Variants in COL4A2 observed in about 807,000 individuals in gnomAD.
COL4A2 encodes the protein collagen type IV alpha 2 chain, also known as collagen alpha-2(IV) chain.
COL4A2 carries 99 observed loss-of-function variants against 200.2 expected under a neutral mutation model. That is an observed-to-expected ratio of 0.49 (90% confidence interval 0.42 to 0.58). COL4A2 has a LOEUF of 0.58. Among genes scored for constraint, COL4A2 ranks in the 20% least tolerant of loss-of-function variants. The pLI, the probability that COL4A2 is intolerant of heterozygous loss-of-function variation, is 0.00. For synonymous variants in COL4A2, 897 were observed against 900.6 expected (o/e 1.00, Z 0.07); for missense variants, 1,950 against 2,314.1 (o/e 0.84, Z 3.23).
rs1883058828 is a variant in COL4A2 at position 110,484,887 on chromosome 13, C to T, written c.2903-18C>T. On this transcript the variant is annotated intron_variant, in intron 32 of 47. Coordinates refer to ENST00000360467, the MANE Select transcript of COL4A2 (RefSeq NM_001846.4). ...GTCTGGAGCCCCCAGAAAATGACAG[C>T]ACTCTATTCCCTTCCAGGCAGCCGA... The T allele has an allele frequency of 6.3e-7, 1 of 1,587,368 alleles. No individual in the cohort carries two copies. Among genetic ancestry groups the T allele is most frequent in the Admixed American group, 1.8e-5 (1 of 56,492 alleles).
At chr13:110,473,247 G>C (rs1279092753) in intron 29 of COL4A2, 97 bp downstream of exon 29, 9 of 1,197,810 alleles carry the variant, frequency 7.5e-6, no homozygotes, top group Non-Finnish European at 1.0e-5. Flanking sequence ...GTAGGAAGCA[G>C]CGGTGCCCTA....
chr13:110,434,288 C>A, intron 11 of COL4A2, 113 bp from the exon 12 acceptor site: 1 of 863,932 alleles, frequency 1.2e-6, no homozygotes. Context: ...AATATAGTTG[C>A]TCAGTAAAGT....
At chr13:110,418,005 G>T (rs182788357) in intron 4 of COL4A2, among the ~76,000 whole-genome samples, 1 of 152,174 alleles carries the variant, frequency 6.6e-6, no homozygotes, top group East Asian at 1.9e-4. Flanking sequence ...GTTCCTGCCG[G>T]CAGCCCATGG....
intron 12 of COL4A2, among the ~76,000 whole-genome samples, chr13:110,435,122 C>T (rs187581118): frequency 6.6e-6 from 1 of 152,282 alleles, no homozygotes; most frequent in Admixed American, 6.5e-5. Flanking sequence ...TGGAACAGCA[C>T]AGTAAGTTGA....
intron 47 of COL4A2, among the ~76,000 whole-genome samples, chr13:110,509,270 T>TATATATATACACACACACACACACACAC (rs1435137108): frequency 8.7e-6 from 1 of 115,600 alleles, no homozygotes; most frequent in African/African-American, 3.5e-5. Context: ...TATATATATA[T>TATATATATACACACACACACACACACAC]ACACACACAC....
At chr13:110,478,508 G>C (rs1187568916) in intron 30 of COL4A2, among the ~76,000 whole-genome samples, 1 of 152,246 alleles carries the variant, frequency 6.6e-6, no homozygotes. Context: ...TGGAAAGGCA[G>C]GTGGCTCCGT....
intron 22 of COL4A2, 147 bp from the exon 23 acceptor site, chr13:110,461,967 A>G: frequency 8.5e-7 from 1 of 1,173,286 alleles, no homozygotes; most frequent in Non-Finnish European, 1.2e-6. Flanking sequence ...CGTATCCAGC[A>G]TCGCAGAAAG....
intron 3 of COL4A2, among the ~76,000 whole-genome samples, chr13:110,332,243 A>G (rs1875951119): frequency 6.6e-6 from 1 of 152,212 alleles, no homozygotes; most frequent in Admixed American, 6.5e-5. Context: ...TTCACCAAAA[A>G]GCTTTGAAAT....
intron 4 of COL4A2, among the ~76,000 whole-genome samples, chr13:110,385,179 G>A (rs576334382): frequency 2.2e-3 from 336 of 151,990 alleles, no homozygotes; most frequent in African/African-American, 7.6e-3. Flanking sequence ...GAAGAATGGC[G>A]TGAATCCGGG....
chr13:110,394,212 T>C (rs747139484), intron 4 of COL4A2, among the ~76,000 whole-genome samples: 1 of 152,236 alleles, frequency 6.6e-6, no homozygotes, highest in African/African-American at 2.4e-5. Context: ...AACATTGATG[T>C]AGTGCTTACT....
intron 20 of COL4A2, among the ~76,000 whole-genome samples, chr13:110,456,007 C>T (rs1881718515): frequency 6.6e-6 from 1 of 152,230 alleles, no homozygotes; most frequent in African/African-American, 2.4e-5. Flanking sequence ...CCTGCAGAGC[C>T]TGCCCCCAGC....
chr13:110,329,428 G>A (rs1188210951), intron 3 of COL4A2, among the ~76,000 whole-genome samples: 3 of 151,422 alleles, frequency 2.0e-5, no homozygotes, highest in Middle Eastern at 3.4e-3. Context: ...GCAGGGGAAG[G>A]CGTCTAGTGG....
At chr13:110,383,055 A>C (rs1878549483) in intron 4 of COL4A2, among the ~76,000 whole-genome samples, 1 of 152,230 alleles carries the variant, frequency 6.6e-6, no homozygotes, top group Non-Finnish European at 1.5e-5. Flanking sequence ...CTGACAGAGA[A>C]TCAACTCAAC....
At chr13:110,347,117 T>A (rs560829927) in intron 3 of COL4A2, among the ~76,000 whole-genome samples, 1 of 152,156 alleles carries the variant, frequency 6.6e-6, no homozygotes, top group Non-Finnish European at 1.5e-5. Flanking sequence ...AGGATGTGTG[T>A]CAGGAAATGC....
At chr13:110,477,211 G>C (rs1445332244) in intron 29 of COL4A2, among the ~76,000 whole-genome samples, 1 of 152,070 alleles carries the variant, frequency 6.6e-6, no homozygotes, top group Admixed American at 6.6e-5. Flanking sequence ...AGAAAGAAAA[G>C]ATATGAGCAA....
chr13:110,496,606 G>T (rs962648790), intron 40 of COL4A2, among the ~76,000 whole-genome samples: 2 of 148,838 alleles, frequency 1.3e-5, no homozygotes, highest in Non-Finnish European at 3.0e-5. Context: ...GAGGATCTAG[G>T]GTCAGTCCAC....
At chr13:110,355,979 C>T (rs148986071) in intron 3 of COL4A2, among the ~76,000 whole-genome samples, 291 of 152,178 alleles carry the variant, frequency 1.9e-3, no homozygotes, top group Non-Finnish European at 3.3e-3. Flanking sequence ...AGGAGGCCTG[C>T]GCTGAGACTC....
chr13:110,430,480 G>A, intron 9 of COL4A2, 44 bp downstream of exon 9: 6 of 1,614,090 alleles, frequency 3.7e-6, no homozygotes, highest in Non-Finnish European at 5.1e-6. Context: ...AAAAGTTTAA[G>A]AGCTTCAGAA....
chr13:110,434,301 C>G (rs78168400), intron 11 of COL4A2, 100 bp from the exon 12 acceptor site: 2 of 1,073,570 alleles, frequency 1.9e-6, no homozygotes, highest in Admixed American at 2.1e-5. Context: ...AGTAAAGTTG[C>G]CGATAAATAG....
Sources: allele counts gnomAD v4.1 joint callset (sites outside exome capture counted in the v4.1 genomes callset), GRCh38; gene constraint gnomAD v4.1.1; transcripts MANE v1.5; gene names NCBI Gene and HGNC (gene_info 2026-07-23, HGNC 2026-07-21).